FOXP1: variants seen among roughly 807,000 people sequenced by gnomAD.
The protein encoded by FOXP1 is forkhead box protein P1.
FOXP1 carries 15 observed loss-of-function variants against 98.2 expected under a neutral mutation model. The observed-to-expected ratio is 0.15, with a 90% confidence interval of 0.10 to 0.24. FOXP1 has a LOEUF of 0.24. Ranked by LOEUF, FOXP1 falls within the 10% of genes least tolerant of loss-of-function variation. FOXP1 has a pLI of 1.00. For missense variants in FOXP1, 633 were observed against 848.5 expected (o/e 0.75, Z 3.15); for synonymous variants, 371 against 314.5 (o/e 1.18, Z -1.90).
intron 3 of FOXP1, among the ~76,000 whole-genome samples, chr3:71,438,262 T>A (rs1341616465): frequency 1.3e-5 from 2 of 152,238 alleles, no homozygotes; most frequent in African/African-American, 4.8e-5. Context: ...AATGAATGAA[T>A]GAATGTTGTC....
At chr3:71,300,481 T>A (rs530396589) in intron 4 of FOXP1, among the ~76,000 whole-genome samples, 9 of 152,264 alleles carry the variant, frequency 5.9e-5, no homozygotes, top group African/African-American at 2.2e-4. Context: ...TAAAAAGGGT[T>A]CATGTCACAT....
intron 3 of FOXP1, among the ~76,000 whole-genome samples, chr3:71,394,984 C>T (rs1453142602): frequency 6.6e-6 from 1 of 151,468 alleles, no homozygotes; most frequent in African/African-American, 2.4e-5. Context: ...CCTGTAATCC[C>T]AGCTACTTGG....
intron 2 of FOXP1, among the ~76,000 whole-genome samples, chr3:71,544,156 T>C (rs1249662437): frequency 6.6e-6 from 1 of 151,874 alleles, no homozygotes; most frequent in Non-Finnish European, 1.5e-5. Context: ...ACCAATGCCG[T>C]AGCAGTATTA....
At chr3:71,511,670 A>G (rs1213693950) in intron 2 of FOXP1, among the ~76,000 whole-genome samples, 1 of 152,142 alleles carries the variant, frequency 6.6e-6, no homozygotes, top group Non-Finnish European at 1.5e-5. Flanking sequence ...TTTTAGCTCC[A>G]TGTCTACATT....
At chr3:71,303,479 C>T (rs1187049019) in intron 4 of FOXP1, among the ~76,000 whole-genome samples, 2 of 152,132 alleles carry the variant, frequency 1.3e-5, no homozygotes, top group East Asian at 3.8e-4. Flanking sequence ...TACTCATTTG[C>T]AAAAACTGGT....
At chr3:71,204,278 A>G (rs1168276635) in intron 5 of FOXP1, among the ~76,000 whole-genome samples, 2 of 152,234 alleles carry the variant, frequency 1.3e-5, no homozygotes, top group African/African-American at 4.8e-5. Flanking sequence ...CATCAAGCAA[A>G]CGAACTGGTT....
chr3:70,957,535 AC>A lies in FOXP1; in HGVS notation c.*1711del, dbSNP rs2032115524. 4.3e-6 allele frequency: 1 copy of A among 231,544 alleles called. No homozygotes were observed. The highest frequency in any genetic ancestry group is 6.2e-5 in the East Asian group (1 of 16,202). The allele number at this position is 231,544 out of a possible 1,614,324, so 14.3% of individuals were successfully genotyped here. ...TCTTTGGTAATTTTAGAAAAAAGGT[AC>A]AAAGAAAGAATATAAATTAAGCTTC... On this transcript the variant is annotated 3_prime_UTR_variant, in exon 21 of 21. Transcript: ENST00000649528.
intron 6 of FOXP1, among the ~76,000 whole-genome samples, chr3:71,141,196 A>G (rs1205177089): frequency 3.4e-5 from 5 of 146,152 alleles, no homozygotes; most frequent in Non-Finnish European, 7.4e-5. Context: ...TGAACCCGGA[A>G]GGTGGAGGTT....
intron 6 of FOXP1, among the ~76,000 whole-genome samples, chr3:71,188,694 T>C (rs923860018): frequency 3.0e-4 from 45 of 152,234 alleles, no homozygotes; most frequent in African/African-American, 1.1e-3. Context: ...ATTACAGGCG[T>C]GAGCCACCAG....
chr3:71,398,300 G>C (rs551366550), intron 3 of FOXP1, among the ~76,000 whole-genome samples: 1 of 152,238 alleles, frequency 6.6e-6, no homozygotes, highest in East Asian at 1.9e-4. Flanking sequence ...TGATTTCTTT[G>C]AATTCTCATA....
chr3:71,085,123 C>T (rs2054891669), intron 7 of FOXP1, among the ~76,000 whole-genome samples: 1 of 152,118 alleles, frequency 6.6e-6, no homozygotes, highest in Admixed American at 6.6e-5. Flanking sequence ...CTTGCAACTA[C>T]TTTTTTTCTT....
chr3:71,397,053 TATATATGTGTATATATATATAC>T (rs1200198881), intron 3 of FOXP1, among the ~76,000 whole-genome samples: 7 of 104,566 alleles, frequency 6.7e-5, no homozygotes, highest in African/African-American at 2.5e-4. Context: ...TATATACACA[TATATATGTGTATATATATATAC>T]ATATATATGT....
intron 6 of FOXP1, among the ~76,000 whole-genome samples, chr3:71,164,323 C>T (rs1430882148): frequency 5.9e-5 from 9 of 152,136 alleles, no homozygotes; most frequent in Admixed American, 1.3e-4. Flanking sequence ...CCTCAGCCTC[C>T]GGAGTAGCTG....
intron 13 of FOXP1, among the ~76,000 whole-genome samples, chr3:70,998,905 A>C (rs975318539): frequency 6.6e-6 from 1 of 152,190 alleles, no homozygotes; most frequent in Non-Finnish European, 1.5e-5. Flanking sequence ...TGAGTAATTA[A>C]CAATGGCTGA....
At chr3:70,963,433 G>C (rs1366373340) in intron 20 of FOXP1, among the ~76,000 whole-genome samples, 1 of 152,232 alleles carries the variant, frequency 6.6e-6, no homozygotes. Context: ...AGATACATTT[G>C]AGATGAGATG....
intron 2 of FOXP1, among the ~76,000 whole-genome samples, chr3:71,579,857 C>T (rs974625406): frequency 6.6e-6 from 1 of 151,942 alleles, no homozygotes; most frequent in Non-Finnish European, 1.5e-5. Context: ...GTAGCATTCT[C>T]CTCATAAAGA....
At chr3:71,053,558 AG>A in intron 8 of FOXP1, 77 bp downstream of exon 8, 7 of 1,563,258 alleles carry the variant, frequency 4.5e-6, no homozygotes, top group Non-Finnish European at 6.2e-6. Flanking sequence ...GCTCTGGTGG[AG>A]GGGAGATTGC....
intron 4 of FOXP1, among the ~76,000 whole-genome samples, chr3:71,305,186 G>A (rs1468991416): frequency 6.6e-6 from 1 of 152,016 alleles, no homozygotes; most frequent in Non-Finnish European, 1.5e-5. Context: ...AGACAGTACG[G>A]GAACAAAAAA....
intron 2 of FOXP1, among the ~76,000 whole-genome samples, chr3:71,531,389 C>A (rs1357220776): frequency 6.6e-6 from 1 of 152,196 alleles, no homozygotes; most frequent in Non-Finnish European, 1.5e-5. Flanking sequence ...CAGCTGTAAA[C>A]TACTGCTATT....
Sources: allele counts gnomAD v4.1 joint callset (sites outside exome capture counted in the v4.1 genomes callset), GRCh38; gene constraint gnomAD v4.1.1; transcripts MANE v1.5; gene names NCBI Gene and HGNC (gene_info 2026-07-23, HGNC 2026-07-21).